IFT43: variants seen among roughly 807,000 people sequenced by gnomAD.
IFT43 encodes intraflagellar transport 43.
IFT43 carries 33 observed loss-of-function variants against 32.3 expected under a neutral mutation model. The ratio of observed to expected loss-of-function variants is 1.02; its 90% CI spans 0.77 to 1.37. The LOEUF is 1.37. IFT43 is among the 40% of genes most tolerant of loss of function. The pLI is 0.00. For synonymous variants in IFT43, 93 were observed against 98.2 expected, an observed-to-expected ratio of 0.95 and a Z score of 0.31; for missense variants, 274 against 265.9, an observed-to-expected ratio of 1.03 and a Z score of -0.21.
intron 3 of IFT43, among the ~76,000 whole-genome samples, chr14:76,029,784 C>G (rs941205157): frequency 6.6e-6 from 1 of 151,864 alleles, no homozygotes; most frequent in African/African-American, 2.4e-5. Flanking sequence ...GTATGCTGTT[C>G]TAGTTCTAGA....
At chr14:75,999,448 T>C (rs1278174611) in intron 2 of IFT43, among the ~76,000 whole-genome samples, 1 of 151,044 alleles carries the variant, frequency 6.6e-6, no homozygotes, top group East Asian at 1.9e-4. Flanking sequence ...TATTTTTATA[T>C]ACATATTTAT....
intron 1 of IFT43, 83 bp downstream of exon 1, chr14:75,985,923 C>G (rs2035513195): frequency 1.3e-6 from 2 of 1,568,230 alleles, no homozygotes; most frequent in Non-Finnish European, 8.6e-7. Context: ...TTCTCTGAGG[C>G]GACTCAGGGC....
chr14:76,063,611 G>T (rs1036750084), intron 5 of IFT43, among the ~76,000 whole-genome samples: 2 of 152,168 alleles, frequency 1.3e-5, no homozygotes, highest in African/African-American at 2.4e-5. Context: ...TCCAGTGTCT[G>T]GAAACAGTAG....
At chr14:76,068,950 T>C (rs1325721089) in intron 5 of IFT43, among the ~76,000 whole-genome samples, 1 of 152,154 alleles carries the variant, frequency 6.6e-6, no homozygotes, top group African/African-American at 2.4e-5. Flanking sequence ...CTTAAACAAA[T>C]AGTCACACAG....
chr14:76,077,817 G>A (rs750941248), intron 5 of IFT43, among the ~76,000 whole-genome samples: 14 of 152,142 alleles, frequency 9.2e-5, no homozygotes, highest in Middle Eastern at 3.4e-3. Flanking sequence ...ACTTCTCACC[G>A]CCGAGCACCT....
At chr14:76,021,544 T>C (rs576141776) in intron 2 of IFT43, among the ~76,000 whole-genome samples, 1 of 152,326 alleles carries the variant, frequency 6.6e-6, no homozygotes, top group South Asian at 2.1e-4. Flanking sequence ...AAACTTAAAA[T>C]GTATCAAACT....
intron 3 of IFT43, among the ~76,000 whole-genome samples, chr14:76,037,382 C>G (rs2036620790): frequency 6.6e-6 from 1 of 152,202 alleles, no homozygotes; most frequent in South Asian, 2.1e-4. Context: ...AGACTCCCCT[C>G]TCATGGTTGT....
chr14:76,076,836 A>G (rs999896692), intron 5 of IFT43: 6 of 866,750 alleles, frequency 6.9e-6, no homozygotes, highest in Non-Finnish European at 9.4e-6. Flanking sequence ...CTCACATCCA[A>G]CAGCTCACAT....
At chr14:76,042,629 T>C (rs116505231) in intron 3 of IFT43, among the ~76,000 whole-genome samples, 2,555 of 152,320 alleles carry the variant, frequency 0.017, 80 homozygotes, top group African/African-American at 0.054. Flanking sequence ...AGCCTGTGCT[T>C]AGGGGTACTG....
At chr14:76,031,118 C>T (rs28377430) in intron 3 of IFT43, among the ~76,000 whole-genome samples, 3,654 of 149,550 alleles carry the variant, frequency 0.024, 94 homozygotes, top group African/African-American at 0.064. Flanking sequence ...TTATATTTCT[C>T]CTCCTTTGTT....
intron 2 of IFT43, among the ~76,000 whole-genome samples, chr14:76,013,439 C>T (rs555820179): frequency 6.6e-6 from 1 of 152,320 alleles, no homozygotes; most frequent in South Asian, 2.1e-4. Flanking sequence ...GGCCAACAGT[C>T]CAGGCAGCTG....
chr14:75,998,872 A>G (rs1192204789), intron 2 of IFT43, among the ~76,000 whole-genome samples: 1 of 152,184 alleles, frequency 6.6e-6, no homozygotes, highest in East Asian at 1.9e-4. Flanking sequence ...AACTGGAACT[A>G]TAGGCATGCA....
In IFT43 at chr14:76,025,582, C is replaced by T. The variant is rs139168574; in HGVS notation, c.215+3188C>T. The stretch of plus-strand genomic sequence containing the variant: ...TACTACAGGGCTACAGTAACCAAAA[C>T]GGCATGGTACTGGTACAAAAAGAGA... On this transcript the variant is annotated intron_variant, in intron 3 of 8. Transcript: ENST00000314067. 4.1e-4 allele frequency among the ~76,000 whole-genome samples: 62 copies of T among 152,236 alleles called. No individual in the cohort carries two copies. The East Asian group carries it at 9.4e-3, about 23-fold the overall frequency.
intron 3 of IFT43, among the ~76,000 whole-genome samples, chr14:76,030,018 C>CT (rs1307432009): frequency 1.3e-5 from 2 of 151,830 alleles, no homozygotes; most frequent in Non-Finnish European, 2.9e-5. Context: ...GTAGCTAGGA[C>CT]TGCAGGCATG....
chr14:75,988,827 T>C lies in IFT43; in HGVS notation c.55-58T>C, dbSNP rs375467044. Reference sequence around the variant, plus strand: ...GCCACTGCGCCCGGCTGGATTGTCATCTCAGTAGTGGCCCAAATGACATTT... The same window carrying C: ...GCCACTGCGCCCGGCTGGATTGTCACCTCAGTAGTGGCCCAAATGACATTT... On this transcript the variant is annotated intron_variant, in intron 1 of 8. Transcript: ENST00000314067. 175 of 1,611,936 alleles carry C rather than the reference T, an allele frequency of 1.1e-4. 1 individual carries two copies. In the East Asian group the frequency reaches 2.1e-3, roughly 19 times the overall value.
Position 75,990,720 on chromosome 14 carries a change from C to A in IFT43, c.147+1743C>A, listed in dbSNP as rs1006056976. 5.3e-5 allele frequency among the ~76,000 whole-genome samples: 8 copies of A among 152,116 alleles called. No homozygotes were observed. The East Asian group carries it at 5.8e-4, about 11-fold the overall frequency. ...ATTTGGTGAAAGAAGATATACCAGA[C>A]CCAACCCTGGATCTCAGGGAGCTTG... On this transcript the variant is annotated intron_variant, in intron 2 of 8. Coordinates refer to ENST00000314067, the MANE Select transcript of IFT43 (RefSeq NM_001102564.3).
intron 2 of IFT43, among the ~76,000 whole-genome samples, chr14:76,000,238 A>G (rs1266017801): frequency 1.3e-5 from 2 of 148,572 alleles, no homozygotes; most frequent in East Asian, 3.9e-4. Flanking sequence ...TTTTCTTAGT[A>G]TACATAACAT....
At chr14:75,989,757 A>G (rs1209687925) in intron 2 of IFT43, among the ~76,000 whole-genome samples, 1 of 152,190 alleles carries the variant, frequency 6.6e-6, no homozygotes, top group East Asian at 1.9e-4. Flanking sequence ...AGACAGCAGG[A>G]AACCTGGCTT....
chr14:76,039,049 T>C (rs978576119), intron 3 of IFT43, among the ~76,000 whole-genome samples: 2 of 152,212 alleles, frequency 1.3e-5, no homozygotes, highest in African/African-American at 2.4e-5. Context: ...AGTAAGCATT[T>C]GTTCATTCTG....
Sources: allele counts gnomAD v4.1 joint callset (sites outside exome capture counted in the v4.1 genomes callset), GRCh38; gene constraint gnomAD v4.1.1; transcripts MANE v1.5; gene names NCBI Gene and HGNC (gene_info 2026-07-23, HGNC 2026-07-21).